The following SLC28A2 variants were observed in gnomAD, a reference collection of about 807,000 sequenced individuals.
The protein encoded by SLC28A2 is solute carrier family 28 member 2, also known as sodium/nucleoside cotransporter 2.
SLC28A2 carries 69 observed loss-of-function variants against 72.9 expected under a neutral mutation model. That is an observed-to-expected ratio of 0.95 (90% CI 0.78 to 1.16). The LOEUF is 1.16. Among genes scored for constraint, SLC28A2 ranks in the 50% most tolerant of loss-of-function variants. The pLI is 0.00. For synonymous variants in SLC28A2, 296 were observed against 294.1 expected (o/e 1.01, Z -0.07); for missense variants, 745 against 791.1 (o/e 0.94, Z 0.70).
intron 8 of SLC28A2, 147 bp from the exon 9 acceptor site, chr15:45,265,436 T>C: frequency 1.5e-6 from 1 of 676,900 alleles, no homozygotes; most frequent in South Asian, 1.7e-5. Context: ...TTAATACATT[T>C]TAAATGTATC....
In SLC28A2 at chr15:45,253,297, G is replaced by C; in HGVS notation, c.81+1G>C. 6.2e-7 allele frequency: 1 copy of C among 1,610,120 alleles called. No homozygotes were observed. Among genetic ancestry groups the C allele is most frequent in the East Asian group, 2.2e-5 (1 of 44,866 alleles). ...AGTGAACCCGGGGCTGGAGCTCATGGTAATCACCAGTTTAGTTTCTCTCTG... is the reference window on the plus strand; with the variant it reads ...AGTGAACCCGGGGCTGGAGCTCATGCTAATCACCAGTTTAGTTTCTCTCTG... On this transcript the variant is annotated splice_donor_variant, in intron 2 of 17. Coordinates refer to ENST00000347644, the MANE Select transcript of SLC28A2 (RefSeq NM_004212.4). LOFTEE classifies it high-confidence loss of function.
In SLC28A2 at chr15:45,277,592, G is replaced by A. The variant is rs951469441; in HGVS notation, c.*2079G>A. 6.6e-6 allele frequency: 1 copy of A among 150,950 alleles called. No homozygotes were observed. Among genetic ancestry groups the A allele is most frequent in the African/African-American group, 2.4e-5 (1 of 41,050 alleles). The allele number at this position is 150,950 out of a possible 1,614,324, so 9.4% of individuals were successfully genotyped here. On this transcript the variant is annotated 3_prime_UTR_variant, in exon 18 of 18. Transcript: ENST00000347644. ...TCTTATTATTGCATGATTCCATTTAGATGAAATATTCAGAATATATAAATC... is the reference window on the plus strand; with the variant it reads ...TCTTATTATTGCATGATTCCATTTAAATGAAATATTCAGAATATATAAATC...
intron 14 of SLC28A2, 50 bp from the exon 15 acceptor site, chr15:45,270,145 C>A (rs373219101): frequency 8.1e-7 from 1 of 1,232,870 alleles, no homozygotes; most frequent in African/African-American, 1.5e-5. Flanking sequence ...ATTATAAGAC[C>A]GCACGCATGG....
In SLC28A2 at chr15:45,274,544, G is replaced by T. The variant is rs530173193; in HGVS notation, c.1860-852G>T. Among the ~76,000 whole-genome samples, 81 of 152,228 alleles carry T rather than the reference G, an allele frequency of 5.3e-4. 1 individual carries two copies. Among genetic ancestry groups the T allele is most frequent in the African/African-American group, 1.9e-3 (80 of 41,556 alleles). On this transcript the variant is annotated intron_variant, in intron 17 of 17. Coordinates refer to ENST00000347644, the MANE Select transcript of SLC28A2 (RefSeq NM_004212.4). ...ATAAAGATTTGGAAGTTATTAAGTGGTCTGTTCACTACATAGCTAGATATT... is the reference window on the plus strand; with the variant it reads ...ATAAAGATTTGGAAGTTATTAAGTGTTCTGTTCACTACATAGCTAGATATT...
Position 45,264,052 on chromosome 15 carries a change from GC to G in SLC28A2, c.588+31del, listed in dbSNP as rs756615236. Reference sequence around the variant, plus strand: ...GTTTTGGGTATTTGGGTTGGGTATAGCAACACATGGCCAAGGGCCAAGTGCT... The same window carrying G: ...GTTTTGGGTATTTGGGTTGGGTATAGAACACATGGCCAAGGGCCAAGTGCT... On this transcript the variant is annotated intron_variant, in intron 6 of 17. Coordinates refer to ENST00000347644, the MANE Select transcript of SLC28A2 (RefSeq NM_004212.4). 411 of 1,585,888 alleles carry G rather than the reference GC, an allele frequency of 2.6e-4. 3 individuals carry two copies. The Admixed American group carries it at 7.0e-3, about 27-fold the overall frequency.
Position 45,269,333 on chromosome 15 carries a change from C to T in SLC28A2, c.1369-5C>T. On this transcript the variant is annotated splice_region_variant and splice_polypyrimidine_tract_variant and intron_variant, in intron 13 of 17. Coordinates refer to ENST00000347644, the MANE Select transcript of SLC28A2 (RefSeq NM_004212.4). ...CTTTTCCTGTGATATCTCTCTTTCA[C>T]TCAGGTCATCTGCTCCTATCTCCTA... 1.2e-6 allele frequency: 2 copies of T among 1,612,602 alleles called. No homozygotes were observed. The highest frequency in any genetic ancestry group is 2.2e-5 in the South Asian group (2 of 91,004).
Position 45,272,401 on chromosome 15 carries a change from C to A in SLC28A2, c.1747+8C>A, listed in dbSNP as rs187811892. 5.3e-4 allele frequency: 858 copies of A among 1,603,810 alleles called. 10 individuals are homozygous for A. The African/African-American group carries it at 0.011, about 20-fold the overall frequency. On this transcript the variant is annotated splice_region_variant and intron_variant, in intron 16 of 17. Coordinates refer to ENST00000347644, the MANE Select transcript of SLC28A2 (RefSeq NM_004212.4). ...TCAGTGCCTGTATGGCAGGTAGGTG[C>A]CTCAGCTCTGATGGAGATACTGCTG...
chr15:45,269,331 C>T lies in SLC28A2; in HGVS notation c.1369-7C>T. ...TCCTTTTCCTGTGATATCTCTCTTT[C>T]ACTCAGGTCATCTGCTCCTATCTCC... On this transcript the variant is annotated splice_region_variant and splice_polypyrimidine_tract_variant and intron_variant, in intron 13 of 17. Coordinates refer to ENST00000347644, the MANE Select transcript of SLC28A2 (RefSeq NM_004212.4). 6.2e-7 allele frequency: 1 copy of T among 1,612,124 alleles called. No individual in the cohort carries two copies. The highest frequency in any genetic ancestry group is 8.5e-7 in the Non-Finnish European group (1 of 1,178,354).
chr15:45,269,378 T>G lies in SLC28A2; in HGVS notation c.1409T>G (p.Met470Arg). 6.2e-7 allele frequency: 1 copy of G among 1,614,040 alleles called. No homozygotes were observed. The highest frequency in any genetic ancestry group is 8.5e-7 in the Non-Finnish European group (1 of 1,179,962). The change falls in exon 14 of 18, where the codon ATG becomes AGG. Residue 470 changes from methionine (M) to arginine (R), a missense_variant. Transcript: ENST00000347644. ...SYLLRPMVFM[M>R]GVEWTDCPMV... ...CTCCTAAGGCCCATGGTTTTCATGA[T>G]GGGTGTAGAGTGGACAGACTGTCCA... is the stretch of plus-strand genomic sequence containing the variant.
intron 3 of SLC28A2, among the ~76,000 whole-genome samples, chr15:45,260,713 G>A (rs562445614): frequency 6.6e-6 from 1 of 152,266 alleles, no homozygotes; most frequent in East Asian, 1.9e-4. Flanking sequence ...AGTGAGCCAT[G>A]ATCATGCCAT....
intron 3 of SLC28A2, among the ~76,000 whole-genome samples, chr15:45,256,812 C>T (rs1567056427): frequency 6.6e-6 from 1 of 152,156 alleles, no homozygotes; most frequent in Admixed American, 6.5e-5. Context: ...TTCCAGTTCT[C>T]CCCACCTCCT....
intron 5 of SLC28A2, 108 bp from the exon 6 acceptor site, chr15:45,263,773 G>T: frequency 1.3e-5 from 14 of 1,044,264 alleles, no homozygotes; most frequent in Admixed American, 4.9e-5. Flanking sequence ...GCACATGCAT[G>T]GCCTTTGATC....
rs965349585 is a variant in SLC28A2, at chr15:45,276,829, G to A, written c.*1316G>A. 1 of 152,130 alleles carries A rather than the reference G, an allele frequency of 6.6e-6. No individual in the cohort carries two copies. The highest frequency in any genetic ancestry group is 1.5e-5 in the Non-Finnish European group (1 of 68,010). The allele number at this position is 152,130 out of a possible 1,614,324, so 9.4% of individuals were successfully genotyped here. Reference sequence around the variant, plus strand: ...GCAAACTTCTTAACAACATTACACAGTAAACAAAAAATACTTCCTGTATAC... The same window carrying A: ...GCAAACTTCTTAACAACATTACACAATAAACAAAAAATACTTCCTGTATAC... On this transcript the variant is annotated 3_prime_UTR_variant, in exon 18 of 18. Transcript: ENST00000347644.
intron 7 of SLC28A2, 41 bp downstream of exon 7, chr15:45,264,809 C>A: frequency 1.6e-6 from 2 of 1,240,014 alleles, no homozygotes; most frequent in Non-Finnish European, 2.4e-6. Context: ...CTTTTAGAAC[C>A]CTAGAGAAAG....
At position 45,269,285 on chromosome 15, in the gene SLC28A2, G is replaced by T. The variant is rs577388268; in HGVS notation, c.1369-53G>T. The T allele has an allele frequency of 1.9e-5, 29 of 1,495,412 alleles. No individual in the cohort carries two copies. The South Asian group carries it at 3.3e-4, about 17-fold the overall frequency. The allele number at this position is 1,495,412 out of a possible 1,614,324, so 92.6% of individuals were successfully genotyped here. On this transcript the variant is annotated intron_variant, in intron 13 of 17. Transcript: ENST00000347644. ...GCTCCAGAGAAGGTCCTTGGCACCT[G>T]ACCTTTGTTATATTAGTCCTTCCTT... is the stretch of plus-strand genomic sequence containing the variant.
At position 45,253,236 on chromosome 15, in the gene SLC28A2, A is replaced by G. The variant is rs1248176765; in HGVS notation, c.21A>G (p.Arg7=). 6.2e-7 allele frequency: 1 copy of G among 1,613,406 alleles called. No homozygotes were observed. Among genetic ancestry groups the G allele is most frequent in the Non-Finnish European group, 8.5e-7 (1 of 1,179,424 alleles). Residue 7 remains arginine, a synonymous_variant, in exon 2 of 18, where the codon AGA becomes AGG. Coordinates refer to ENST00000347644, the MANE Select transcript of SLC28A2 (RefSeq NM_004212.4). ...AGGAGATGGAGAAAGCAAGTGGAAG[A>G]CAGTCCATTGCTCTGTCCACAGTGG... MEKASG[R]QSIALSTVET...
intron 3 of SLC28A2, among the ~76,000 whole-genome samples, chr15:45,257,563 A>C (rs1362245469): frequency 6.6e-6 from 1 of 152,202 alleles, no homozygotes; most frequent in Admixed American, 6.5e-5. Context: ...TAATTTCTTC[A>C]TGTGTACATT....
intron 9 of SLC28A2, 145 bp downstream of exon 9, chr15:45,265,808 T>A (rs1900315300): frequency 1.4e-6 from 1 of 691,960 alleles, no homozygotes; most frequent in African/African-American, 1.8e-5. Context: ...TAGCAAACTG[T>A]CAGCCGAGGC....
At chr15:45,262,127 G>C in intron 4 of SLC28A2, 21 bp downstream of exon 4, 1 of 1,513,244 alleles carries the variant, frequency 6.6e-7, no homozygotes, top group Non-Finnish European at 9.2e-7. Context: ...GAGAATTCAT[G>C]AAAGTGAGAA....
Sources: gnomAD v4.1 joint callset for allele counts (sites outside exome capture counted in the v4.1 genomes callset) on GRCh38, gnomAD v4.1.1 for gene constraint, MANE v1.5 for transcripts, NCBI Gene and HGNC (gene_info 2026-07-23, HGNC 2026-07-21) for gene names.